TACC1: variants seen among roughly 807,000 people sequenced by gnomAD.
TACC1 encodes the protein transforming acidic coiled-coil containing protein 1, also known as transforming acidic coiled-coil-containing protein 1.
Under a neutral mutation model 84.4 loss-of-function variants are expected in TACC1, and 48 were observed. The ratio of observed to expected loss-of-function variants is 0.57; its 90% CI spans 0.45 to 0.72. TACC1 has a LOEUF of 0.72. Among genes scored for constraint, TACC1 ranks in the 30% least tolerant of loss-of-function variants. The probability of loss-of-function intolerance (pLI) is 0.00; values close to 1 mark genes in which losing one functional copy is unlikely to be tolerated. For missense variants in TACC1, 920 were observed against 973.0 expected (o/e 0.95, Z 0.72); for synonymous variants, 372 against 376.3 (o/e 0.99, Z 0.13).
rs1322295699 is a variant in TACC1 at position 38,820,209 on chromosome 8, T to G, written c.965T>G (p.Phe322Cys). 7.4e-6 allele frequency: 12 copies of G among 1,613,990 alleles called. No homozygotes were observed. The highest frequency in any genetic ancestry group is 1.3e-5 in the African/African-American group (1 of 74,996). The change falls in exon 3 of 13, where the codon TTT becomes TGT. Residue 322 changes from phenylalanine (F) to cysteine (C), a missense_variant. Phe to Cys is a radical substitution (Grantham distance 205). Coordinates refer to ENST00000317827, the MANE Select transcript of TACC1 (RefSeq NM_006283.3). ...ESRSSPLKLE[F>C]DFTEDTGNIE... ...AGGAGCTCACCTCTCAAGCTTGAGT[T>G]TGATTTCACAGAAGATACAGGAAAC...
At chr8:38,774,608 T>G (rs988877342) in intron 3 of TACC1, among the ~76,000 whole-genome samples, 1 of 152,240 alleles carries the variant, frequency 6.6e-6, no homozygotes. Flanking sequence ...TCCTCCCATC[T>G]TGGCCTCCCA....
chr8:38,787,906 A>G (rs1817663942), intron 1 of TACC1, among the ~76,000 whole-genome samples, 163 bp downstream of exon 1: 1 of 152,102 alleles, frequency 6.6e-6, no homozygotes, highest in Non-Finnish European at 1.5e-5. Context: ...AAAGTTCAGG[A>G]TCTTCTGTCC....
chr8:38,733,257 G>A (rs566512160), intron 1 of TACC1, among the ~76,000 whole-genome samples: 10 of 150,992 alleles, frequency 6.6e-5, no homozygotes, highest in African/African-American at 1.9e-4. Context: ...ACCAAGCCCC[G>A]CTCTGCAATA....
At position 38,820,441 on chromosome 8, in the gene TACC1, C is replaced by T. The variant is rs1297336645; in HGVS notation, c.1197C>T (p.Ser399=). The part of the protein sequence containing the change: ...WESPSFNPFG[S]HSVLQNSPPL... ...GCCCCAGCTTCAACCCCTTTGGGAG[C>T]CACTCTGTTCTGCAGAACTCCCCAC... The change falls in exon 3 of 13, where the codon AGC becomes AGT. Residue 399 remains serine, a synonymous_variant. Transcript: ENST00000317827. 6.2e-7 allele frequency: 1 copy of T among 1,614,168 alleles called. No homozygotes were observed. Among genetic ancestry groups the T allele is most frequent in the East Asian group, 2.2e-5 (1 of 44,880 alleles).
At chr8:38,794,378 C>A (rs1461211128) in intron 2 of TACC1, among the ~76,000 whole-genome samples, 1 of 152,012 alleles carries the variant, frequency 6.6e-6, no homozygotes, top group Admixed American at 6.6e-5. Context: ...CTCAAGTGAT[C>A]CTCCCACCTT....
upstream of TACC1, among the ~76,000 whole-genome samples, chr8:38,786,517 C>T (rs911418834): frequency 2.0e-5 from 3 of 152,082 alleles, no homozygotes; most frequent in African/African-American, 7.2e-5. Context: ...GCCTGGGCAA[C>T]ATATCGAGAC....
Position 38,812,420 on chromosome 8 carries a change from C to T in TACC1, c.278-7102C>T, listed in dbSNP as rs147100102. ...GCGGCGGCCCAGCTGTAAAATTCCT[C>T]TCTTTATACTCTTTTTATATCTCAG... On this transcript the variant is annotated intron_variant, in intron 2 of 12. Transcript: ENST00000317827. Among the ~76,000 whole-genome samples the T allele has an allele frequency of 1.0e-3, 156 of 152,196 alleles. 1 individual carries two copies. Among genetic ancestry groups the T allele is most frequent in the African/African-American group, 3.7e-3 (153 of 41,476 alleles).
chr8:38,843,496 ATG>A, intron 11 of TACC1, 101 bp downstream of exon 11: 1 of 780,622 alleles, frequency 1.3e-6, no homozygotes, highest in Non-Finnish European at 2.0e-6. Flanking sequence ...TTGTATTTTT[ATG>A]TGTGTGTTTA....
intron 3 of TACC1, among the ~76,000 whole-genome samples, chr8:38,751,147 C>A (rs1808961556): frequency 6.6e-6 from 1 of 152,038 alleles, no homozygotes; most frequent in Non-Finnish European, 1.5e-5. Flanking sequence ...CATGTGACTT[C>A]CCAAGGTGGC....
rs183780116 is a variant in TACC1 at position 38,756,613 on chromosome 8, G to A, written c.26+11120G>A. Among the ~76,000 whole-genome samples, 28 of 152,294 alleles carry A rather than the reference G, an allele frequency of 1.8e-4. 1 individual carries two copies. Among genetic ancestry groups the A allele is most frequent in the African/African-American group, 6.7e-4 (28 of 41,554 alleles). On this transcript the variant is annotated intron_variant, in intron 3 of 14. Coordinates refer to the TACC1 transcript ENST00000518415. ...TTGGAGGAAAATTCATTGCCTGGTT[G>A]TCAGAGCCTAAAGGGACATTAAAAG...
rs201532980 is a variant in TACC1 at position 38,836,137 on chromosome 8, T to G, written c.1714-25T>G. On this transcript the variant is annotated intron_variant, in intron 6 of 12. Coordinates refer to ENST00000317827, the MANE Select transcript of TACC1 (RefSeq NM_006283.3). ...GGTTAAGAAGCTGAAAGCTGACAGATTCAGTGTAATCCCTTTCCCCACAGG... is the reference window on the plus strand; with the variant it reads ...GGTTAAGAAGCTGAAAGCTGACAGAGTCAGTGTAATCCCTTTCCCCACAGG... 8.5e-4 allele frequency: 1,366 copies of G among 1,611,362 alleles called. No individual in the cohort carries two copies. The highest frequency in any genetic ancestry group is 1.1e-3 in the Non-Finnish European group (1,320 of 1,178,684).
intron 1 of TACC1, among the ~76,000 whole-genome samples, chr8:38,731,216 G>T (rs969690197): frequency 6.6e-6 from 1 of 152,168 alleles, no homozygotes; most frequent in Non-Finnish European, 1.5e-5. Flanking sequence ...CAGGATTACA[G>T]GCGTGAGCCA....
At chr8:38,737,959 T>C (rs917618900) in intron 1 of TACC1, among the ~76,000 whole-genome samples, 1 of 152,020 alleles carries the variant, frequency 6.6e-6, no homozygotes, top group East Asian at 1.9e-4. Context: ...ACTTCTGACC[T>C]CAGGTGATCT....
intron 2 of TACC1, among the ~76,000 whole-genome samples, chr8:38,789,461 T>C (rs1444385610): frequency 6.6e-6 from 1 of 152,164 alleles, no homozygotes; most frequent in Non-Finnish European, 1.5e-5. Flanking sequence ...ATTTACTAAA[T>C]AGAGTGCACT....
At chr8:38,787,864 C>A in intron 1 of TACC1, 121 bp downstream of exon 1, 1 of 1,008,160 alleles carries the variant, frequency 9.9e-7, no homozygotes, top group Non-Finnish European at 1.4e-6. Context: ...GTGCCGCGTC[C>A]CTGCCCGGAG....
chr8:38,839,895 A>G (rs2152314679), intron 8 of TACC1: 1 of 184,000 alleles, frequency 5.4e-6, no homozygotes, highest in South Asian at 1.4e-4. Context: ...CTTAGTTTGT[A>G]AAAGATTGAC....
At chr8:38,776,558 CCTT>C (rs1420412279) in intron 3 of TACC1, among the ~76,000 whole-genome samples, 2 of 152,190 alleles carry the variant, frequency 1.3e-5, no homozygotes, top group African/African-American at 2.4e-5. Context: ...TTCATATACA[CCTT>C]CTACACATAG....
chr8:38,780,248 A>G (rs1815669194), intron 3 of TACC1, among the ~76,000 whole-genome samples: 1 of 151,716 alleles, frequency 6.6e-6, no homozygotes, highest in Non-Finnish European at 1.5e-5. Flanking sequence ...TTATCCTGGT[A>G]TATGCTCTGA....
chr8:38,759,526 T>C (rs993663522), intron 3 of TACC1, among the ~76,000 whole-genome samples: 7 of 152,356 alleles, frequency 4.6e-5, no homozygotes, highest in African/African-American at 1.7e-4. Context: ...ACCCGTATAA[T>C]ATAAACATGC....
Sources: gnomAD v4.1 joint callset for allele counts (sites outside exome capture counted in the v4.1 genomes callset) on GRCh38, gnomAD v4.1.1 for gene constraint, MANE v1.5 for transcripts, NCBI Gene and HGNC (gene_info 2026-07-23, HGNC 2026-07-21) for gene names.